SLC8A1: variants seen among roughly 807,000 people sequenced by gnomAD.
SLC8A1 encodes the protein solute carrier family 8 member A1.
SLC8A1 carries 18 observed loss-of-function variants against 68.3 expected under a neutral mutation model. That is an observed-to-expected ratio of 0.26 (90% CI 0.18 to 0.39). The LOEUF is 0.39. Among genes scored for constraint, SLC8A1 ranks in the 10% least tolerant of loss-of-function variants. The pLI is 1.00. For synonymous variants in SLC8A1, 475 were observed against 415.5 expected (o/e 1.14, Z -1.74); for missense variants, 985 against 1,156.7 (o/e 0.85, Z 2.15).
chr2:40,451,312 C>G (rs542659785), intron 1 of SLC8A1, among the ~76,000 whole-genome samples: 1 of 152,250 alleles, frequency 6.6e-6, no homozygotes, highest in African/African-American at 2.4e-5. Context: ...GCAGCCCACT[C>G]CCTGCTACCC....
intron 2 of SLC8A1, among the ~76,000 whole-genome samples, chr2:40,279,188 T>A (rs2067173813): frequency 6.6e-6 from 1 of 152,224 alleles, no homozygotes; most frequent in Non-Finnish European, 1.5e-5. Context: ...CAGGAGCCGA[T>A]CTGATCCTCC....
At chr2:40,201,454 A>C (rs1182031905) in intron 2 of SLC8A1, among the ~76,000 whole-genome samples, 2 of 151,952 alleles carry the variant, frequency 1.3e-5, no homozygotes, top group African/African-American at 2.4e-5. Context: ...TTGAGGAGAA[A>C]TGAGAATTAA....
chr2:40,253,215 A>C (rs1574763931), intron 2 of SLC8A1, among the ~76,000 whole-genome samples: 1 of 149,440 alleles, frequency 6.7e-6, no homozygotes, highest in African/African-American at 2.4e-5. Flanking sequence ...ACATCTATAC[A>C]TATTTACATA....
chr2:40,448,225 T>C (rs1023903180), intron 1 of SLC8A1, among the ~76,000 whole-genome samples: 1 of 152,102 alleles, frequency 6.6e-6, no homozygotes, highest in African/African-American at 2.4e-5. Flanking sequence ...TATTTTGTAA[T>C]GTATATGTGT....
At chr2:40,260,473 C>T (rs2064546220) in intron 2 of SLC8A1, among the ~76,000 whole-genome samples, 1 of 152,092 alleles carries the variant, frequency 6.6e-6, no homozygotes, top group South Asian at 2.1e-4. Flanking sequence ...TGATCAGAAA[C>T]AAAACTTTAA....
chr2:40,288,015 C>T (rs1159598020), intron 2 of SLC8A1, among the ~76,000 whole-genome samples: 1 of 152,100 alleles, frequency 6.6e-6, no homozygotes, highest in Non-Finnish European at 1.5e-5. Flanking sequence ...GGTCCTTTGG[C>T]TTGGAAACCA....
chr2:40,393,335 G>C (rs1559503704), intron 2 of SLC8A1, among the ~76,000 whole-genome samples: 1 of 152,010 alleles, frequency 6.6e-6, no homozygotes, highest in Non-Finnish European at 1.5e-5. Context: ...TGTGCATTAA[G>C]AAACTTAGCA....
chr2:40,262,397 G>C (rs1377358760), intron 2 of SLC8A1, among the ~76,000 whole-genome samples: 1 of 152,108 alleles, frequency 6.6e-6, no homozygotes, highest in Non-Finnish European at 1.5e-5. Flanking sequence ...ATTTTTATGA[G>C]GCTTTATCAT....
chr2:40,415,688 CAAAGA>C (rs1308322108), intron 2 of SLC8A1, among the ~76,000 whole-genome samples: 7 of 151,884 alleles, frequency 4.6e-5, no homozygotes, highest in Admixed American at 3.3e-4. Context: ...CACTTGTCTC[CAAAGA>C]AAAGCAATCT....
chr2:40,133,701 T>TCCC (rs111377369), intron 7 of SLC8A1, among the ~76,000 whole-genome samples: 28 of 53,088 alleles, frequency 5.3e-4, no homozygotes, highest in Non-Finnish European at 8.4e-4. Context: ...GGGGCAAAAA[T>TCCC]CCCCCCCCCC....
At chr2:40,220,390 G>A (rs906105372) in intron 2 of SLC8A1, 6 of 152,192 alleles carry the variant, frequency 3.9e-5, no homozygotes, top group African/African-American at 1.4e-4. Flanking sequence ...TCATTAGTGA[G>A]TCATGTTTAA....
chr2:40,207,816 T>C (rs2055765648), intron 2 of SLC8A1, among the ~76,000 whole-genome samples: 1 of 152,124 alleles, frequency 6.6e-6, no homozygotes, highest in Non-Finnish European at 1.5e-5. Context: ...TTTTTTAGTA[T>C]TTCTAGAGTG....
intron 2 of SLC8A1, among the ~76,000 whole-genome samples, chr2:40,370,420 C>G (rs1677651500): frequency 6.6e-6 from 1 of 152,046 alleles, no homozygotes; most frequent in Non-Finnish European, 1.5e-5. Flanking sequence ...TCTCTTTTCC[C>G]CTTCATCTTG....
chr2:40,230,550 AT>A (rs2059524216), intron 2 of SLC8A1, among the ~76,000 whole-genome samples: 1 of 152,172 alleles, frequency 6.6e-6, no homozygotes, highest in African/African-American at 2.4e-5. Flanking sequence ...CTTAATCACT[AT>A]AAAGGATACA....
intron 2 of SLC8A1, among the ~76,000 whole-genome samples, chr2:40,383,545 C>G (rs1285528827): frequency 1.3e-5 from 2 of 152,000 alleles, no homozygotes; most frequent in Non-Finnish European, 2.9e-5. Context: ...TAAATTATCT[C>G]TTTCTAGATT....
At chr2:40,505,105 A>G (rs1026491425) in intron 1 of SLC8A1, among the ~76,000 whole-genome samples, 1 of 152,018 alleles carries the variant, frequency 6.6e-6, no homozygotes, top group African/African-American at 2.4e-5. Context: ...GCACATATAC[A>G]CAATGGTGTA....
exon 8 of SLC8A1, chr2:40,098,027 C>A (rs2033677730): frequency 6.6e-6 from 1 of 151,932 alleles, no homozygotes; most frequent in African/African-American, 2.4e-5. Context: ...GATTAACAGG[C>A]AGTGTAAATC....
chr2:40,296,793 T>C (rs2149252216), intron 2 of SLC8A1, among the ~76,000 whole-genome samples: 1 of 152,324 alleles, frequency 6.6e-6, no homozygotes, highest in Admixed American at 6.5e-5. Context: ...GAGCTATCTT[T>C]GCTCTATTTC....
intron 2 of SLC8A1, chr2:40,254,360 C>A (rs1275718632): frequency 6.8e-6 from 1 of 147,574 alleles, no homozygotes; most frequent in Non-Finnish European, 1.5e-5. Context: ...ATAACATATC[C>A]TTTTTCTATC....
Sources: allele counts gnomAD v4.1 joint callset (sites outside exome capture counted in the v4.1 genomes callset), GRCh38; gene constraint gnomAD v4.1.1; transcripts MANE v1.5; gene names NCBI Gene and HGNC (gene_info 2026-07-23, HGNC 2026-07-21).